TSPEAR: variants seen among roughly 807,000 people sequenced by gnomAD.
The protein encoded by TSPEAR is thrombospondin type laminin G domain and EAR repeats.
A neutral mutation model predicts 71.6 loss-of-function variants in TSPEAR; 69 were observed. The observed-to-expected ratio is 0.96, with a 90% confidence interval of 0.79 to 1.18. TSPEAR has a LOEUF of 1.18. Among genes scored for constraint, TSPEAR ranks in the 50% most tolerant of loss-of-function variants. The pLI is 0.00. For missense variants in TSPEAR, 971 were observed against 894.9 expected, an observed-to-expected ratio of 1.09 and a Z score of -1.09; for synonymous variants, 402 against 387.2, an observed-to-expected ratio of 1.04 and a Z score of -0.45.
At chr21:44,672,353 A>G (rs1392328518) in intron 1 of TSPEAR, among the ~76,000 whole-genome samples, 4 of 152,240 alleles carry the variant, frequency 2.6e-5, no homozygotes, top group East Asian at 1.9e-4. Flanking sequence ...GGCGGATCAC[A>G]AGGTCAGGAG....
chr21:44,608,866 G>A (rs1233775836), intron 1 of TSPEAR, among the ~76,000 whole-genome samples: 1 of 152,182 alleles, frequency 6.6e-6, no homozygotes, highest in Non-Finnish European at 1.5e-5. Flanking sequence ...CCACTTTTGG[G>A]AGCACAATGA....
rs2052214640 is a variant in TSPEAR, at chr21:44,506,846, G to A, written c.1755-1965C>T. ...GTGGAAGATCCTGTCCGGCTGCACC[G>A]AGGCTCACATCAGAAGCCGGCTTCG... On this transcript the variant is annotated intron_variant, in intron 10 of 11. Coordinates refer to ENST00000323084, the MANE Select transcript of TSPEAR (RefSeq NM_144991.3). The surrounding 1 kb of genome is among the most constrained non-coding windows in gnomAD (Gnocchi z 4.2). 4 of 152,136 alleles carry A rather than the reference G, an allele frequency of 2.6e-5. No individual in the cohort carries two copies. The highest frequency in any genetic ancestry group is 9.7e-5 in the African/African-American group (4 of 41,426). The allele number at this position is 152,136 out of a possible 1,614,324, so 9.4% of individuals were successfully genotyped here.
chr21:44,676,104 A>G (rs1986300868), intron 1 of TSPEAR: 2 of 870,450 alleles, frequency 2.3e-6, no homozygotes, highest in Non-Finnish European at 4.0e-6. Context: ...TCTTCAGATC[A>G]GAGCTCTGCA....
At chr21:44,592,131 G>T in intron 1 of TSPEAR, 1 of 1,496,500 alleles carries the variant, frequency 6.7e-7, no homozygotes, top group Non-Finnish European at 9.0e-7. Context: ...GCTTGCAGCA[G>T]ACAGTCTTGC....
At chr21:44,504,128 G>A (rs1273271537) in intron 11 of TSPEAR, among the ~76,000 whole-genome samples, 3 of 146,512 alleles carry the variant, frequency 2.0e-5, no homozygotes, top group Non-Finnish European at 4.5e-5. Context: ...GGAGGAAGCC[G>A]GCCTCAGTGA....
chr21:44,658,033 C>T (rs370414688), intron 1 of TSPEAR: 51 of 1,613,920 alleles, frequency 3.2e-5, no homozygotes, highest in Non-Finnish European at 4.2e-5. Flanking sequence ...GCATACACAG[C>T]CCCTGCCAGG....
chr21:44,682,088 T>C (rs782422707), intron 1 of TSPEAR: 10 of 1,613,750 alleles, frequency 6.2e-6, no homozygotes, highest in Non-Finnish European at 7.6e-6. Flanking sequence ...CGCAGCAGGC[T>C]GGCTGGCAGC....
intron 1 of TSPEAR, among the ~76,000 whole-genome samples, chr21:44,664,770 C>T (rs1985666226): frequency 6.6e-6 from 1 of 152,208 alleles, no homozygotes; most frequent in South Asian, 2.1e-4. Context: ...GAAACAAATA[C>T]GTCCATGCAA....
intron 1 of TSPEAR, among the ~76,000 whole-genome samples, chr21:44,665,390 C>T (rs1985698329): frequency 1.3e-5 from 2 of 152,208 alleles, no homozygotes; most frequent in Admixed American, 1.3e-4. Flanking sequence ...TAACCTGAGA[C>T]AGTCACAGCA....
chr21:44,710,467 G>A lies in TSPEAR; in HGVS notation c.82+966C>T, dbSNP rs1213707505. 1.3e-5 allele frequency among the ~76,000 whole-genome samples: 2 copies of A among 151,884 alleles called. No individual in the cohort carries two copies. Among genetic ancestry groups the A allele is most frequent in the African/African-American group, 2.4e-5 (1 of 41,362 alleles). On this transcript the variant is annotated intron_variant, in intron 1 of 11. Transcript: ENST00000323084. This position sits in a 1 kb window ranked among gnomAD's most constrained non-coding sequence, Gnocchi z 4.6. ...GAGTCAGCACGTTCCATACTCGGGT[G>A]ATCGTGCTCATCCCCTGGTCATGTC...
At chr21:44,700,569 C>T (rs782709732) in intron 1 of TSPEAR, among the ~76,000 whole-genome samples, 2 of 152,170 alleles carry the variant, frequency 1.3e-5, no homozygotes, top group African/African-American at 4.8e-5. Context: ...CAGAAATTCA[C>T]GATATCCATG....
chr21:44,574,527 C>A, intron 1 of TSPEAR: 1 of 1,609,790 alleles, frequency 6.2e-7, no homozygotes, highest in East Asian at 2.2e-5. Flanking sequence ...GTCTAGCTGC[C>A]AGCCGGCTTG....
chr21:44,542,187 C>T (rs1209023776), intron 2 of TSPEAR, among the ~76,000 whole-genome samples: 1 of 152,066 alleles, frequency 6.6e-6, no homozygotes, highest in African/African-American at 2.4e-5. Context: ...AACTAGGTAG[C>T]TTAGCTTTAC....
At chr21:44,678,687 T>G (rs1986439182) in intron 1 of TSPEAR, among the ~76,000 whole-genome samples, 1 of 152,090 alleles carries the variant, frequency 6.6e-6, no homozygotes, top group African/African-American at 2.4e-5. Context: ...AGTCAAATTG[T>G]CCCTCTTTGC....
At chr21:44,676,261 C>T (rs1986307597) in intron 1 of TSPEAR, 1 of 1,276,758 alleles carries the variant, frequency 7.8e-7, no homozygotes. Flanking sequence ...GGTCTCTTCA[C>T]TGTACACCCC....
chr21:44,592,893 C>A (rs1416415017), intron 1 of TSPEAR, among the ~76,000 whole-genome samples: 1 of 152,184 alleles, frequency 6.6e-6, no homozygotes, highest in African/African-American at 2.4e-5. Flanking sequence ...CTTCCCCCAT[C>A]ACCGGACACA....
intron 1 of TSPEAR, chr21:44,580,255 A>C: frequency 6.2e-7 from 1 of 1,611,434 alleles, no homozygotes. Context: ...GGCAGCATGA[A>C]GAGGAATCCT....
chr21:44,500,075 C>T (rs1555910957), intron 11 of TSPEAR, 139 bp from the exon 12 acceptor site: 14 of 855,266 alleles, frequency 1.6e-5, no homozygotes, highest in African/African-American at 3.6e-5. Flanking sequence ...ACTGGCACAG[C>T]GTGGGGAGAT....
chr21:44,536,040 T>G (rs1033864840), intron 2 of TSPEAR, among the ~76,000 whole-genome samples: 1 of 152,356 alleles, frequency 6.6e-6, no homozygotes, highest in Non-Finnish European at 1.5e-5. Context: ...AGAGGGACTC[T>G]TCTGTGGAAG....
Sources: allele counts gnomAD v4.1 joint callset (sites outside exome capture counted in the v4.1 genomes callset), GRCh38; gene constraint gnomAD v4.1.1; non-coding constraint Gnocchi (gnomAD v3.1); transcripts MANE v1.5; gene names NCBI Gene and HGNC (gene_info 2026-07-23, HGNC 2026-07-21).